The following PITX1 variants were observed in gnomAD, a reference collection of about 807,000 sequenced individuals.
PITX1 encodes the protein pituitary homeobox 1.
A neutral mutation model predicts 24.1 loss-of-function variants in PITX1; 5 were observed. That is an observed-to-expected ratio of 0.21 (90% CI 0.11 to 0.44). The LOEUF (loss-of-function observed/expected upper bound fraction) is 0.44, where lower values mean the gene tolerates loss of function less well. Among genes scored for constraint, PITX1 ranks in the 20% least tolerant of loss-of-function variants. The probability of loss-of-function intolerance (pLI) is 0.99; values close to 1 mark genes in which losing one functional copy is unlikely to be tolerated. For synonymous variants in PITX1, 213 were observed against 208.9 expected, an observed-to-expected ratio of 1.02 and a Z score of -0.17; for missense variants, 401 against 455.4, an observed-to-expected ratio of 0.88 and a Z score of 1.09.
Position 135,033,202 on chromosome 5 carries a change from G to A in PITX1, c.169+511C>T. 1 of 316,778 alleles carries A rather than the reference G, an allele frequency of 3.2e-6. No homozygotes were observed. The highest frequency in any genetic ancestry group is 6.2e-6 in the Non-Finnish European group (1 of 162,556). 19.6% of individuals were successfully genotyped at this position (316,778 alleles called of 1,614,324 possible). On this transcript the variant is annotated intron_variant, in intron 1 of 2. Coordinates refer to ENST00000265340, the MANE Select transcript of PITX1 (RefSeq NM_002653.5). This position sits in a 1 kb window ranked among gnomAD's most constrained non-coding sequence, Gnocchi z 5.9. ...CCCGCTCGCCCTCACCGTCCTCTGT[G>A]TCTCCCTTCTACTTGATGACCCCTC...
intron 1 of PITX1, chr5:135,031,795 A>C: frequency 3.7e-6 from 2 of 538,878 alleles, no homozygotes; most frequent in South Asian, 2.7e-5. Flanking sequence ...TCAGATTCTG[A>C]CCCTGCTGCT....
intron 1 of PITX1, among the ~76,000 whole-genome samples, chr5:135,032,619 T>G (rs184503536): frequency 6.6e-6 from 1 of 152,364 alleles, no homozygotes; most frequent in Non-Finnish European, 1.5e-5. Flanking sequence ...GTACGTTAAT[T>G]CTTTCAGAAT....
chr5:135,031,500 G>A lies in PITX1; in HGVS notation c.178C>T (p.Arg60Cys), dbSNP rs779923896. 34 of 1,610,468 alleles carry A rather than the reference G, an allele frequency of 2.1e-5. No homozygotes were observed. Among genetic ancestry groups the A allele is most frequent in the South Asian group, 5.5e-5 (5 of 91,002 alleles). ...SSDTELPEKERGGEPKGPEDS... is the reference protein window; with the variant it reads ...SSDTELPEKECGGEPKGPEDS... ...TCGGGCCCCTTGGGTTCCCCGCCGCGCTCCTTCTCTGCAGTAGGCAGGACG... is the reference window on the plus strand; with the variant it reads ...TCGGGCCCCTTGGGTTCCCCGCCGCACTCCTTCTCTGCAGTAGGCAGGACG... Residue 60 changes from arginine to cysteine, a missense_variant, in exon 2 of 3, where the codon CGC (arginine) becomes TGC (cysteine). By Grantham distance (180) the Arg-to-Cys change is radical. This residue lies in a region of PITX1 where 136 missense variants were observed against 133.3 expected (regional missense o/e 1.02). Transcript: ENST00000265340.
At position 135,033,626 on chromosome 5, in the gene PITX1, C is replaced by A. The variant is rs1034522445; in HGVS notation, c.169+87G>T. The A allele has an allele frequency of 7.4e-6, 10 of 1,357,136 alleles. No individual in the cohort carries two copies. The highest frequency in any genetic ancestry group is 9.2e-6 in the Non-Finnish European group (9 of 979,106). The allele number at this position is 1,357,136 out of a possible 1,614,324, so 84.1% of individuals were successfully genotyped here. The stretch of plus-strand genomic sequence containing the variant: ...GGGGCGGAGAGGGAGCTTGGTTGCG[C>A]GGCGCGGGCGTCAGGCCCTGCTCCC... On this transcript the variant is annotated intron_variant, in intron 1 of 2. Coordinates refer to ENST00000265340, the MANE Select transcript of PITX1 (RefSeq NM_002653.5). This position sits in a 1 kb window ranked among gnomAD's most constrained non-coding sequence, Gnocchi z 5.9.
At chr5:135,029,899 T>G (rs1752419757) in intron 2 of PITX1, among the ~76,000 whole-genome samples, 1 of 152,234 alleles carries the variant, frequency 6.6e-6, no homozygotes, top group Non-Finnish European at 1.5e-5. Flanking sequence ...ATCCCCCATT[T>G]TTGATCCTTT....
At chr5:135,032,477 T>A (rs893902248) in intron 1 of PITX1, among the ~76,000 whole-genome samples, 1 of 152,244 alleles carries the variant, frequency 6.6e-6, no homozygotes, top group Non-Finnish European at 1.5e-5. Context: ...ATAATTTAAA[T>A]TCCCCAAATA....
At position 135,028,678 on chromosome 5, in the gene PITX1, T is replaced by G; in HGVS notation, c.*101A>C. 3 of 741,842 alleles carry G rather than the reference T, an allele frequency of 4.0e-6. No homozygotes were observed. Among genetic ancestry groups the G allele is most frequent in the Non-Finnish European group, 5.3e-6 (3 of 565,276 alleles). The allele number at this position is 741,842 out of a possible 1,614,324, so 46.0% of individuals were successfully genotyped here. A position where few individuals can be genotyped will look rare whatever the true frequency, so the allele number is the denominator to read the frequency against. Reference sequence around the variant, plus strand: ...CGCAGGTGTGAGGTCCGCGGCGCGGTGAGCTGGGGCTTGCGAGCCGGGGCC... The same window carrying G: ...CGCAGGTGTGAGGTCCGCGGCGCGGGGAGCTGGGGCTTGCGAGCCGGGGCC... On this transcript the variant is annotated 3_prime_UTR_variant, in exon 3 of 3. Transcript: ENST00000265340.
chr5:135,028,774 G>C lies in PITX1; in HGVS notation c.*5C>G. The C allele has an allele frequency of 6.4e-7, 1 of 1,562,412 alleles. No homozygotes were observed. The highest frequency in any genetic ancestry group is 8.7e-7 in the Non-Finnish European group (1 of 1,150,708). ...GCCGCCGGCCCGCGTGGTGCGGCGGGGCGGTCAGCTGTTGTACTGGCACGC... is the reference window on the plus strand; with the variant it reads ...GCCGCCGGCCCGCGTGGTGCGGCGGCGCGGTCAGCTGTTGTACTGGCACGC... On this transcript the variant is annotated 3_prime_UTR_variant, in exon 3 of 3. Transcript: ENST00000265340.
In PITX1 at chr5:135,028,676, G is replaced by T. The variant is rs555493930; in HGVS notation, c.*103C>A. On this transcript the variant is annotated 3_prime_UTR_variant, in exon 3 of 3. Transcript: ENST00000265340. The stretch of plus-strand genomic sequence containing the variant: ...TGCGCAGGTGTGAGGTCCGCGGCGC[G>T]GTGAGCTGGGGCTTGCGAGCCGGGG... 1 of 758,078 alleles carries T rather than the reference G, an allele frequency of 1.3e-6. No individual in the cohort carries two copies. The highest frequency in any genetic ancestry group is 5.8e-5 in the South Asian group (1 of 17,244). 47.0% of individuals were successfully genotyped at this position (758,078 alleles called of 1,614,324 possible). A position where few individuals can be genotyped will look rare whatever the true frequency, so the allele number is the denominator to read the frequency against.
chr5:135,028,982 G>A lies in PITX1; in HGVS notation c.742C>T (p.Leu248Phe), dbSNP rs778584550. The change falls in exon 3 of 3, where the codon CTC becomes TTC. Residue 248 changes from leucine (L) to phenylalanine (F), a missense_variant. Leu to Phe is a conservative substitution (Grantham distance 22). Transcript: ENST00000265340. The part of the protein sequence containing the change: ...PNSGLNNINN[L>F]TGSSLNSAMS... ...GCCGAGTTGAGCGAGGAGCCGGTGA[G>A]GTTGTTGATGTTGTTGAGGCCCGAG... 5 of 1,614,102 alleles carry A rather than the reference G, an allele frequency of 3.1e-6. No individual in the cohort carries two copies. Among genetic ancestry groups the A allele is most frequent in the Middle Eastern group, 1.6e-4 (1 of 6,084 alleles).
chr5:135,028,661 T>G lies in PITX1; in HGVS notation c.*118A>C. The G allele has an allele frequency of 2.5e-5, 14 of 571,248 alleles. No homozygotes were observed. Among genetic ancestry groups the G allele is most frequent in the Non-Finnish European group, 3.4e-5 (14 of 415,802 alleles). The allele number at this position is 571,248 out of a possible 1,614,324, so 35.4% of individuals were successfully genotyped here. A position where few individuals can be genotyped will look rare whatever the true frequency, so the allele number is the denominator to read the frequency against. ...GTGGGAGGAGGGGGCTGCGCAGGTG[T>G]GAGGTCCGCGGCGCGGTGAGCTGGG... On this transcript the variant is annotated 3_prime_UTR_variant, in exon 3 of 3. Transcript: ENST00000265340.
rs114868723 is a variant in PITX1 at position 135,030,393 on chromosome 5, C to T, written c.402+883G>A. Reference sequence around the variant, plus strand: ...TGCTGTGTCTTCATTCCAAGTCCCACTGGGCTGGCCAGCCTGCCTAGGGAG... The same window carrying T: ...TGCTGTGTCTTCATTCCAAGTCCCATTGGGCTGGCCAGCCTGCCTAGGGAG... On this transcript the variant is annotated intron_variant, in intron 2 of 2. Transcript: ENST00000265340. 5.0e-3 allele frequency among the ~76,000 whole-genome samples: 761 copies of T among 152,310 alleles called. 7 individuals are homozygous for T. The highest frequency in any genetic ancestry group is 0.018 in the African/African-American group (735 of 41,562).
Position 135,029,164 on chromosome 5 carries a change from T to C in PITX1, c.560A>G (p.Lys187Arg), listed in dbSNP as rs1270507178. Residue 187 changes from lysine (K) to arginine (R), a missense_variant, in exon 3 of 3, where the codon AAG becomes AGG. This residue lies in a region of PITX1 where 217 missense variants were observed against 219.8 expected (regional missense o/e 0.99). Coordinates refer to ENST00000265340, the MANE Select transcript of PITX1 (RefSeq NM_002653.5). The part of the protein sequence containing the change: ...AGYSYNNWAA[K>R]SLAPAPLSTK... Reference sequence around the variant, plus strand: ...GGAGAGCGGCGCTGGCGCCAGGCTCTTGGCGGCCCAGTTGTTGTAGGAGTA... The same window carrying C: ...GGAGAGCGGCGCTGGCGCCAGGCTCCTGGCGGCCCAGTTGTTGTAGGAGTA... The C allele has an allele frequency of 6.2e-7, 1 of 1,614,146 alleles. No individual in the cohort carries two copies. Among genetic ancestry groups the C allele is most frequent in the African/African-American group, 1.3e-5 (1 of 74,958 alleles).
In PITX1 at chr5:135,033,847, C is replaced by G; in HGVS notation, c.35G>C (p.Arg12Pro). 6.6e-7 allele frequency: 1 copy of G among 1,508,192 alleles called. No homozygotes were observed. The highest frequency in any genetic ancestry group is 2.1e-5 in the Admixed American group (1 of 47,186). The allele number at this position is 1,508,192 out of a possible 1,614,324, so 93.4% of individuals were successfully genotyped here. A position where few individuals can be genotyped will look rare whatever the true frequency, so the allele number is the denominator to read the frequency against. Residue 12 changes from arginine to proline, a missense_variant, in exon 1 of 3, where the codon CGG becomes CCG. Transcript: ENST00000265340. This position sits in a 1 kb window ranked among gnomAD's most constrained non-coding sequence, Gnocchi z 5.9. ...DAFKGGMSLERLPEGLRPPPP... is the reference protein window; with the variant it reads ...DAFKGGMSLEPLPEGLRPPPP... Reference sequence around the variant, plus strand: ...CGGCGGCCGGAGCCCCTCCGGCAGCCGCTCCAGGCTCATGCCCCCCTTGAA... The same window carrying G: ...CGGCGGCCGGAGCCCCTCCGGCAGCGGCTCCAGGCTCATGCCCCCCTTGAA...
At position 135,029,104 on chromosome 5, in the gene PITX1, G is replaced by T. The variant is rs147021244; in HGVS notation, c.620C>A (p.Pro207Gln). ...TGAGAACATGGACTGCGACGACAGCGGGCTCATGGAGTTGAAGAAGGTGAA... is the reference window on the plus strand; with the variant it reads ...TGAGAACATGGACTGCGACGACAGCTGGCTCATGGAGTTGAAGAAGGTGAA... ...KSFTFFNSMS[P>Q]LSSQSMFSAP... Residue 207 changes from proline (P) to glutamine (Q), a missense_variant, in exon 3 of 3, where the codon CCG (proline) becomes CAG (glutamine). By Grantham distance (76) the Pro-to-Gln change is moderately conservative. Transcript: ENST00000265340. The T allele has an allele frequency of 6.2e-7, 1 of 1,614,244 alleles. No homozygotes were observed. Among genetic ancestry groups the T allele is most frequent in the Non-Finnish European group, 8.5e-7 (1 of 1,180,038 alleles).
In PITX1 at chr5:135,028,950, C is replaced by A; in HGVS notation, c.774G>T (p.Ser258=). Residue 258 remains serine, a synonymous_variant, in exon 3 of 3, where the codon TCG becomes TCT. Transcript: ENST00000265340. The part of the protein sequence containing the change: ...LTGSSLNSAM[S]PGACPYGTPA... ...GAGTGCCGTACGGGCAAGCGCCCGG[C>A]GACATGGCCGAGTTGAGCGAGGAGC... is the stretch of plus-strand genomic sequence containing the variant. 1.9e-6 allele frequency: 3 copies of A among 1,614,028 alleles called. No individual in the cohort carries two copies. Among genetic ancestry groups the A allele is most frequent in the South Asian group, 1.1e-5 (1 of 91,078 alleles).
chr5:135,029,378 C>T, intron 2 of PITX1, 57 bp from the exon 3 acceptor site: 1 of 1,431,436 alleles, frequency 7.0e-7, no homozygotes, highest in Non-Finnish European at 9.5e-7. Flanking sequence ...GGGACCCCAC[C>T]CCCTTCCCCA....
intron 1 of PITX1, among the ~76,000 whole-genome samples, chr5:135,032,290 A>G (rs984258572): frequency 2.6e-5 from 4 of 152,216 alleles, no homozygotes; most frequent in African/African-American, 9.7e-5. Flanking sequence ...AGCTCCGTAC[A>G]AACACACCCC....
Position 135,031,586 on chromosome 5 carries a change from C to CGCCACCAG in PITX1, c.170-86_170-79dup, listed in dbSNP as rs1752450748. The CGCCACCAG allele has an allele frequency of 5.9e-6, 7 of 1,177,386 alleles. No individual in the cohort carries two copies. In the South Asian group the frequency reaches 7.1e-5, roughly 12 times the overall value. The allele number at this position is 1,177,386 out of a possible 1,614,324, so 72.9% of individuals were successfully genotyped here. On this transcript the variant is annotated intron_variant, in intron 1 of 2. Transcript: ENST00000265340. ...CCCGTCCCGGCTCCACCGAACCGCT[C>CGCCACCAG]GCCACCAGCGCTGGCGGTCTTCCCT...
Sources: gnomAD v4.1 joint callset for allele counts (sites outside exome capture counted in the v4.1 genomes callset) on GRCh38, gnomAD v4.1.1 for gene constraint, gnomAD v4.1.1 regional missense constraint, Gnocchi (gnomAD v3.1) non-coding constraint, MANE v1.5 for transcripts, NCBI Gene and HGNC (gene_info 2026-07-23, HGNC 2026-07-21) for gene names.